ARMC9: variants seen among roughly 807,000 people sequenced by gnomAD.
The protein encoded by ARMC9 is lisH domain-containing protein ARMC9.
ARMC9 carries 94 observed loss-of-function variants against 107.0 expected under a neutral mutation model. The observed-to-expected ratio is 0.88, with a 90% confidence interval of 0.74 to 1.04. ARMC9 has a LOEUF of 1.04. Among genes scored for constraint, ARMC9 ranks in the 50% least tolerant of loss-of-function variants. ARMC9 has a pLI of 0.00. For synonymous variants in ARMC9, 380 were observed against 396.9 expected (o/e 0.96, Z 0.51); for missense variants, 942 against 1,030.1 (o/e 0.91, Z 1.17).
chr2:231,325,349 G>A (rs541165638), intron 19 of ARMC9, among the ~76,000 whole-genome samples: 5 of 152,356 alleles, frequency 3.3e-5, no homozygotes, highest in South Asian at 4.1e-4. Context: ...TCTTACATAT[G>A]TACTTGTCCA....
At chr2:231,203,174 C>T (rs999737374) in intron 1 of ARMC9, among the ~76,000 whole-genome samples, 3 of 152,178 alleles carry the variant, frequency 2.0e-5, no homozygotes, top group African/African-American at 7.2e-5. Flanking sequence ...TCTTACAATA[C>T]CCACTGACCA....
At chr2:231,200,265 C>T (rs1404938096) in intron 1 of ARMC9, among the ~76,000 whole-genome samples, 1 of 152,158 alleles carries the variant, frequency 6.6e-6, no homozygotes. Flanking sequence ...TTTAAAATGA[C>T]ATCCCCTCAG....
intron 23 of ARMC9, among the ~76,000 whole-genome samples, chr2:231,366,513 C>T (rs1347603849): frequency 6.6e-6 from 1 of 152,018 alleles, no homozygotes; most frequent in East Asian, 1.9e-4. Context: ...GCCTGGGCAA[C>T]ATTAGCAAAA....
intron 23 of ARMC9, among the ~76,000 whole-genome samples, chr2:231,369,175 A>G (rs2045922839): frequency 6.6e-6 from 1 of 152,214 alleles, no homozygotes; most frequent in Non-Finnish European, 1.5e-5. Context: ...CACCATCTGG[A>G]GAGCGGTGGG....
chr2:231,310,593 T>TC (rs1199259981), intron 19 of ARMC9, among the ~76,000 whole-genome samples: 2 of 151,198 alleles, frequency 1.3e-5, no homozygotes, highest in Non-Finnish European at 2.9e-5. Flanking sequence ...TAGCCAGGTG[T>TC]GGTGGTGCAT....
intron 6 of ARMC9, among the ~76,000 whole-genome samples, chr2:231,223,872 C>T (rs758833944): frequency 7.2e-5 from 11 of 152,168 alleles, no homozygotes; most frequent in Non-Finnish European, 1.3e-4. Flanking sequence ...TTTGCATATC[C>T]AAACCTTTTC....
intron 7 of ARMC9, among the ~76,000 whole-genome samples, chr2:231,230,834 A>C (rs1044422146): frequency 6.6e-6 from 1 of 152,200 alleles, no homozygotes; most frequent in African/African-American, 2.4e-5. Context: ...AAAAGTCTGT[A>C]TGTGTTCAGT....
intron 5 of ARMC9, among the ~76,000 whole-genome samples, chr2:231,218,140 T>C (rs1207742142): frequency 1.3e-5 from 2 of 152,184 alleles, no homozygotes; most frequent in African/African-American, 4.8e-5. Flanking sequence ...TCCTGAATAG[T>C]AACTGCTAAA....
chr2:231,199,442 C>G (rs1206573323), intron 1 of ARMC9, among the ~76,000 whole-genome samples: 1 of 152,114 alleles, frequency 6.6e-6, no homozygotes, highest in Non-Finnish European at 1.5e-5. Context: ...TTTAGGTGGT[C>G]CAGACTTTGG....
intron 19 of ARMC9, among the ~76,000 whole-genome samples, chr2:231,303,775 T>TG (rs1436874553): frequency 1.3e-5 from 2 of 151,894 alleles, no homozygotes; most frequent in East Asian, 1.9e-4. Flanking sequence ...CCATTTCTAC[T>TG]AAAATACAAA....
chr2:231,353,898 T>C (rs2045213640), intron 21 of ARMC9, among the ~76,000 whole-genome samples: 2 of 151,952 alleles, frequency 1.3e-5, no homozygotes, highest in South Asian at 4.2e-4. Flanking sequence ...CGCACAGGTC[T>C]TTTCAGGAGA....
intron 19 of ARMC9, 119 bp from the exon 20 acceptor site, chr2:231,331,674 A>C: frequency 2.5e-6 from 2 of 800,960 alleles, no homozygotes; most frequent in Non-Finnish European, 4.0e-6. Context: ...ATAAGCCTGC[A>C]AGTTGCTGTG....
At chr2:231,253,850 A>G (rs1035942281) in intron 9 of ARMC9, among the ~76,000 whole-genome samples, 20 of 152,232 alleles carry the variant, frequency 1.3e-4, no homozygotes, top group Admixed American at 2.0e-4. Flanking sequence ...TGTCAGGGCT[A>G]GGAAGTGTGT....
chr2:231,233,776 CA>C (rs1224508552), intron 7 of ARMC9, among the ~76,000 whole-genome samples: 3,367 of 137,360 alleles, frequency 0.025, 114 homozygotes, highest in African/African-American at 0.079. Context: ...AACTCCATCT[CA>C]AAAAAAAAAA....
chr2:231,354,473 C>A (rs2045253548), intron 21 of ARMC9, among the ~76,000 whole-genome samples: 1 of 151,304 alleles, frequency 6.6e-6, no homozygotes, highest in South Asian at 2.1e-4. Flanking sequence ...CCTCCGCCTC[C>A]CTGGCTCAAG....
chr2:231,305,213 A>C (rs1290408113), intron 19 of ARMC9, among the ~76,000 whole-genome samples: 1 of 152,216 alleles, frequency 6.6e-6, no homozygotes, highest in Non-Finnish European at 1.5e-5. Context: ...CCCCGTATTT[A>C]TCTATGGTGA....
rs546894606 is a variant in ARMC9, at chr2:231,311,454, CAT to C, written c.1773+15202_1773+15203del. 7.0e-4 allele frequency among the ~76,000 whole-genome samples: 106 copies of C among 152,272 alleles called. 1 individual carries two copies. The highest frequency in any genetic ancestry group is 1.4e-3 in the Non-Finnish European group (92 of 68,012). ...GTGGGGTAGGTATTTGCTGACTGAGCATGTGCCCCGTATAGAACACTGTGCAG... is the reference window on the plus strand; with the variant it reads ...GTGGGGTAGGTATTTGCTGACTGAGCGTGCCCCGTATAGAACACTGTGCAG... On this transcript the variant is annotated intron_variant, in intron 19 of 24. Coordinates refer to ENST00000611582, the MANE Select transcript of ARMC9 (RefSeq NM_001352754.2).
chr2:231,354,803 G>A (rs1325489062), intron 21 of ARMC9, among the ~76,000 whole-genome samples: 1 of 152,224 alleles, frequency 6.6e-6, no homozygotes, highest in African/African-American at 2.4e-5. Context: ...TCTCCTTGTT[G>A]AAGGGGGAGC....
At chr2:231,220,653 G>A (rs1452586419) in intron 5 of ARMC9, among the ~76,000 whole-genome samples, 1 of 147,412 alleles carries the variant, frequency 6.8e-6, no homozygotes, top group Non-Finnish European at 1.5e-5. Context: ...TTTTCCTCCT[G>A]TCTCTGACCT....
Sources: gnomAD v4.1 joint callset for allele counts (sites outside exome capture counted in the v4.1 genomes callset) on GRCh38, gnomAD v4.1.1 for gene constraint, MANE v1.5 for transcripts, NCBI Gene and HGNC (gene_info 2026-07-23, HGNC 2026-07-21) for gene names.